The following GREB1 variants were observed in gnomAD, a reference collection of about 807,000 sequenced individuals.
The protein encoded by GREB1 is growth regulating estrogen receptor binding 1.
GREB1 carries 106 observed loss-of-function variants against 200.7 expected under a neutral mutation model. The observed-to-expected ratio is 0.53, with a 90% confidence interval of 0.45 to 0.62. The LOEUF is 0.62. Among genes scored for constraint, GREB1 ranks in the 20% least tolerant of loss-of-function variants. The pLI is 0.00. For missense variants in GREB1, 2,243 were observed against 2,556.8 expected (o/e 0.88, Z 2.65); for synonymous variants, 1,132 against 1,092.4 (o/e 1.04, Z -0.72).
Position 11,632,101 on chromosome 2 carries a change from A to G in GREB1, c.4804A>G (p.Ser1602Gly). ...IMLVLPSIFN[S>G]AGVGAAHFLI... is the part of the protein sequence containing the mutation. ...GCTGGTGCTCCCCAGTATCTTCAAC[A>G]GTGCTGGAGTTGGTGAGTGTCCTTT... The change falls in exon 27 of 33, where the codon AGT (serine) becomes GGT (glycine). Residue 1602 changes from serine to glycine, a missense_variant. Ser to Gly is a moderately conservative substitution (Grantham distance 56, BLOSUM62 0). Coordinates refer to ENST00000381486, the MANE Select transcript of GREB1 (RefSeq NM_014668.4). 1 of 1,611,944 alleles carries G rather than the reference A, an allele frequency of 6.2e-7. No homozygotes were observed. Among genetic ancestry groups the G allele is most frequent in the Non-Finnish European group, 8.5e-7 (1 of 1,178,022 alleles).
chr2:11,639,460 G>A (rs1210583320), intron 32 of GREB1, among the ~76,000 whole-genome samples: 2 of 152,208 alleles, frequency 1.3e-5, no homozygotes, highest in East Asian at 1.9e-4. Flanking sequence ...CCTCCTGGTA[G>A]ACGAGTCTTT....
rs187477300 is a variant in GREB1 at position 11,544,767 on chromosome 2, C to G, written c.-162+10513C>G. Among the ~76,000 whole-genome samples the G allele has an allele frequency of 4.1e-4, 63 of 152,254 alleles. No homozygotes were observed. The South Asian group carries it at 0.013, about 31-fold the overall frequency. ...CCCCCTGTTTGCCTGCTCACCTCCA[C>G]GCAGGAGATGGGTCTGCAGGCCACA... On this transcript the variant is annotated intron_variant, in intron 1 of 32. Transcript: ENST00000381486.
chr2:11,579,204 C>A (rs1679210315), intron 6 of GREB1, among the ~76,000 whole-genome samples: 1 of 152,218 alleles, frequency 6.6e-6, no homozygotes, highest in South Asian at 2.1e-4. Context: ...CTGGGATGTA[C>A]TCTCCTCCAG....
intron 1 of GREB1, among the ~76,000 whole-genome samples, chr2:11,514,176 A>G (rs1446385616): frequency 6.6e-6 from 1 of 152,250 alleles, no homozygotes; most frequent in Non-Finnish European, 1.5e-5. Flanking sequence ...AGCAGGAAAT[A>G]GGCGATTAAC....
intron 1 of GREB1, among the ~76,000 whole-genome samples, chr2:11,509,096 C>T (rs1042969949): frequency 6.9e-6 from 1 of 144,110 alleles, no homozygotes; most frequent in African/African-American, 2.6e-5. Flanking sequence ...AGGATGGTCT[C>T]GATCTCCTGA....
chr2:11,485,507 C>G (rs548079586), intron 1 of GREB1, among the ~76,000 whole-genome samples: 1 of 152,156 alleles, frequency 6.6e-6, no homozygotes, highest in Admixed American at 6.5e-5. Context: ...CTCCTGGCCT[C>G]AAGTGATCCA....
intron 19 of GREB1, 31 bp downstream of exon 19, chr2:11,612,641 T>A: frequency 1.4e-6 from 2 of 1,427,602 alleles, no homozygotes; most frequent in Non-Finnish European, 2.0e-6. Context: ...CCTGGGGGTC[T>A]CTGAGGAGCT....
intron 1 of GREB1, among the ~76,000 whole-genome samples, chr2:11,515,133 T>TCCATCCAC (rs571930870): frequency 0.15 from 21,215 of 142,206 alleles, 1,911 homozygotes; most frequent in African/African-American, 0.25. Context: ...CATCCATCCA[T>TCCATCCAC]CCACCCACCC....
At chr2:11,635,190 C>G in intron 29 of GREB1, 80 bp from the exon 30 acceptor site, 1 of 1,558,398 alleles carries the variant, frequency 6.4e-7, no homozygotes, top group Non-Finnish European at 8.8e-7. Context: ...GATGGGGACC[C>G]ACACTCTAGG....
At position 11,580,911 on chromosome 2, in the gene GREB1, G is replaced by A; in HGVS notation, c.901+79G>A. 1 of 1,568,696 alleles carries A rather than the reference G, an allele frequency of 6.4e-7. No homozygotes were observed. The highest frequency in any genetic ancestry group is 2.3e-5 in the East Asian group (1 of 44,060). On this transcript the variant is annotated intron_variant, in intron 7 of 32. Transcript: ENST00000381486. This position sits in a 1 kb window ranked among gnomAD's most constrained non-coding sequence, Gnocchi z 4.5. ...GCCAGAGGGGGCATGGGAGCTGCTG[G>A]GCTGGGGCCGCTGAGCCTCCTGGAG...
chr2:11,517,769 A>G (rs1443675191), intron 1 of GREB1, among the ~76,000 whole-genome samples: 1 of 152,026 alleles, frequency 6.6e-6, no homozygotes, highest in Non-Finnish European at 1.5e-5. Flanking sequence ...CTCCTGCCTC[A>G]GCCTCCCGAG....
In GREB1 at chr2:11,597,760, A is replaced by T. The variant is rs761527285; in HGVS notation, c.1955-21A>T. ...CCGTGTGCCCTGGAGCTCACCTGGC[A>T]TCCTGGGGCTCTGGTTCCAGGTTAC... On this transcript the variant is annotated intron_variant, in intron 13 of 32. Transcript: ENST00000381486. This position sits in a 1 kb window ranked among gnomAD's most constrained non-coding sequence, Gnocchi z 4.1. 36 of 1,612,538 alleles carry T rather than the reference A, an allele frequency of 2.2e-5. No individual in the cohort carries two copies. The highest frequency in any genetic ancestry group is 3.0e-5 in the Non-Finnish European group (35 of 1,178,992).
intron 1 of GREB1, among the ~76,000 whole-genome samples, chr2:11,550,316 C>G (rs1388328352): frequency 6.6e-6 from 1 of 152,140 alleles, no homozygotes; most frequent in African/African-American, 2.4e-5. Context: ...ACTGAGTACC[C>G]CCAATTTTCA....
intron 1 of GREB1, among the ~76,000 whole-genome samples, chr2:11,506,464 C>A (rs542988960): frequency 1.8e-4 from 27 of 152,218 alleles, no homozygotes; most frequent in African/African-American, 6.5e-4. Context: ...CTTAGCATAC[C>A]CAGACCAGTG....
At chr2:11,553,628 T>C (rs982222293) in intron 1 of GREB1, among the ~76,000 whole-genome samples, 7 of 152,142 alleles carry the variant, frequency 4.6e-5, no homozygotes, top group African/African-American at 1.7e-4. Flanking sequence ...TTCAAATGTA[T>C]CATTTATAAA....
chr2:11,556,841 T>C, intron 2 of GREB1, 70 bp downstream of exon 2: 2 of 1,146,196 alleles, frequency 1.7e-6, no homozygotes, highest in South Asian at 2.0e-5. Flanking sequence ...GCACCAGAAC[T>C]TGAAACTCTT....
chr2:11,510,688 A>ATTTTTT (rs56901979), intron 1 of GREB1, among the ~76,000 whole-genome samples: 49 of 102,248 alleles, frequency 4.8e-4, no homozygotes, highest in African/African-American at 1.7e-3. Context: ...GAACATATGG[A>ATTTTTT]TTTTTTTTTT....
chr2:11,533,800 C>T (rs1173270955), upstream of GREB1, among the ~76,000 whole-genome samples: 2 of 152,166 alleles, frequency 1.3e-5, no homozygotes, highest in Non-Finnish European at 2.9e-5. Flanking sequence ...ACCATGCTCT[C>T]CCGCCATGTT....
At chr2:11,521,824 A>G (rs775393093) in intron 1 of GREB1, among the ~76,000 whole-genome samples, 6 of 152,220 alleles carry the variant, frequency 3.9e-5, no homozygotes, top group Non-Finnish European at 4.4e-5. Flanking sequence ...AGTTTTCACC[A>G]CACTGTAATT....
Sources: allele counts gnomAD v4.1 joint callset (sites outside exome capture counted in the v4.1 genomes callset), GRCh38; gene constraint gnomAD v4.1.1; non-coding constraint Gnocchi (gnomAD v3.1); transcripts MANE v1.5; gene names NCBI Gene and HGNC (gene_info 2026-07-23, HGNC 2026-07-21).